The following PHF24 variants were observed in gnomAD, a reference collection of about 807,000 sequenced individuals.
The protein encoded by PHF24 is Galpha inhibitory interacting protein.
In PHF24, 25 loss-of-function variants were observed where a neutral mutation model predicts 42.6. The ratio of observed to expected loss-of-function variants is 0.59; its 90% CI spans 0.43 to 0.82. The LOEUF (loss-of-function observed/expected upper bound fraction) is 0.82, where lower values mean the gene tolerates loss of function less well. Ranked by LOEUF, PHF24 falls within the 40% of genes least tolerant of loss-of-function variation. The probability of loss-of-function intolerance (pLI) is 0.00; values close to 1 mark genes in which losing one functional copy is unlikely to be tolerated. For missense variants in PHF24, 470 were observed against 538.1 expected (o/e 0.87, Z 1.25); for synonymous variants, 185 against 204.8 (o/e 0.90, Z 0.83).
chr9:34,841,631 G>A, the PHF24 span, among the ~76,000 whole-genome samples: 1 of 152,144 alleles, frequency 6.6e-6, no homozygotes, highest in African/African-American at 2.4e-5. Flanking sequence ...GCCGAGGCAG[G>A]CAGATTACCT....
chr9:34,965,609 T>C (rs1328114983), intron 1 of PHF24, among the ~76,000 whole-genome samples: 4 of 152,366 alleles, frequency 2.6e-5, no homozygotes, highest in African/African-American at 9.6e-5. Context: ...ATGACATAGT[T>C]GACCATGGAG....
chr9:34,726,562 C>T, the PHF24 span: 2 of 1,551,896 alleles, frequency 1.3e-6, no homozygotes, highest in African/African-American at 1.4e-5. Context: ...CCCTTGGCTT[C>T]TCAATCCTTG....
chr9:34,897,979 C>T, the PHF24 span, among the ~76,000 whole-genome samples: 15 of 152,202 alleles, frequency 9.9e-5, no homozygotes, highest in Admixed American at 9.8e-4. Flanking sequence ...CCAATCTCAT[C>T]CAGGTCGCTG....
chr9:34,736,839 G>A, the PHF24 span, among the ~76,000 whole-genome samples: 1 of 152,192 alleles, frequency 6.6e-6, no homozygotes, highest in Non-Finnish European at 1.5e-5. Context: ...AGAAGACAGT[G>A]GAGTGGCATC....
the PHF24 span, among the ~76,000 whole-genome samples, chr9:34,762,979 C>G: frequency 1.1e-4 from 16 of 152,076 alleles, no homozygotes; most frequent in Non-Finnish European, 2.1e-4. Context: ...GCTTGTTTTT[C>G]TCAGGTTTGT....
the PHF24 span, among the ~76,000 whole-genome samples, chr9:34,765,146 T>C: frequency 5.3e-5 from 8 of 151,642 alleles, no homozygotes; most frequent in African/African-American, 1.9e-4. Flanking sequence ...GGAATAGGTG[T>C]GGTGTGGTGC....
At chr9:34,812,933 C>T in the PHF24 span, among the ~76,000 whole-genome samples, 1 of 152,130 alleles carries the variant, frequency 6.6e-6, no homozygotes, top group African/African-American at 2.4e-5. Flanking sequence ...TGCTTTAGTC[C>T]TCTTGCCCCA....
At chr9:34,726,290 G>C in the PHF24 span, 1 of 1,523,264 alleles carries the variant, frequency 6.6e-7, no homozygotes, top group East Asian at 2.5e-5. Context: ...CTGCCTCAGG[G>C]ACTCCTCCAC....
the PHF24 span, among the ~76,000 whole-genome samples, chr9:34,944,888 TTA>T: frequency 2.8e-5 from 4 of 144,868 alleles, no homozygotes; most frequent in Admixed American, 6.9e-5. Flanking sequence ...ACTTGTCTCT[TTA>T]AAAAAAAAAA....
the PHF24 span, among the ~76,000 whole-genome samples, chr9:34,802,541 T>G: frequency 6.6e-6 from 1 of 152,228 alleles, no homozygotes. Context: ...AAAAAAATAT[T>G]GAAAACTCTT....
chr9:34,937,965 T>G, the PHF24 span, among the ~76,000 whole-genome samples: 1 of 152,120 alleles, frequency 6.6e-6, no homozygotes, highest in Non-Finnish European at 1.5e-5. Context: ...AGAATCAGAG[T>G]GTTGAAGGAA....
chr9:34,947,148 C>T, the PHF24 span, among the ~76,000 whole-genome samples: 1 of 152,248 alleles, frequency 6.6e-6, no homozygotes, highest in African/African-American at 2.4e-5. Context: ...GAGTCCCATC[C>T]TTCTAGCCAC....
At chr9:34,690,003 C>A in the PHF24 span, 1 of 1,613,968 alleles carries the variant, frequency 6.2e-7, no homozygotes, top group Non-Finnish European at 8.5e-7. Context: ...ACAGAGCTGG[C>A]GGCCCCTCAG....
At chr9:34,796,998 CA>C in the PHF24 span, among the ~76,000 whole-genome samples, 1 of 152,196 alleles carries the variant, frequency 6.6e-6, no homozygotes, top group African/African-American at 2.4e-5. Flanking sequence ...ATAAACTCAG[CA>C]ATTAAAAGAA....
the PHF24 span, among the ~76,000 whole-genome samples, chr9:34,683,097 G>C: frequency 6.9e-6 from 1 of 145,526 alleles, no homozygotes; most frequent in African/African-American, 2.6e-5. Context: ...GTTTTGCTCT[G>C]TTGCCCAGGC....
At chr9:34,707,765 TCGC>T in the PHF24 span, among the ~76,000 whole-genome samples, 1 of 152,086 alleles carries the variant, frequency 6.6e-6, no homozygotes, top group Admixed American at 6.6e-5. Flanking sequence ...CTTGCTCTTG[TCGC>T]CCAGACTGGA....
exon 8 of PHF24, chr9:34,978,401 T>G: frequency 2.6e-5 from 10 of 384,428 alleles, no homozygotes; most frequent in Middle Eastern, 7.1e-4. Flanking sequence ...CATGTGCACA[T>G]GCTGCCCAGC....
the PHF24 span, among the ~76,000 whole-genome samples, chr9:34,936,986 GC>G: frequency 1.9e-5 from 1 of 53,072 alleles, no homozygotes; most frequent in Non-Finnish European, 5.3e-5. Flanking sequence ...GTGGGGGTCA[GC>G]CCCCGCCAGG....
chr9:34,804,724 A>T, the PHF24 span, among the ~76,000 whole-genome samples: 1 of 152,230 alleles, frequency 6.6e-6, no homozygotes, highest in Non-Finnish European at 1.5e-5. Context: ...TATAATATAC[A>T]GACTATAGCA....
Sources: gnomAD v4.1 joint callset for allele counts (sites outside exome capture counted in the v4.1 genomes callset) on GRCh38, gnomAD v4.1.1 for gene constraint, MANE v1.5 for transcripts, NCBI Gene and HGNC (gene_info 2026-07-23, HGNC 2026-07-21) for gene names.